Variants in RPIA observed in about 807,000 individuals in gnomAD.
The protein encoded by RPIA is ribose-5-phosphate isomerase.
In RPIA, 29 loss-of-function variants were observed where a neutral mutation model predicts 37.8. The observed-to-expected ratio is 0.77, with a 90% CI of 0.57 to 1.05. RPIA has a LOEUF of 1.05. RPIA is among the 50% of genes least tolerant of loss of function. The pLI, the probability that RPIA is intolerant of heterozygous loss-of-function variation, is 0.00. For missense variants in RPIA, 385 were observed against 413.6 expected, an observed-to-expected ratio of 0.93 and a Z score of 0.60; for synonymous variants, 167 against 157.0, an observed-to-expected ratio of 1.06 and a Z score of -0.48.
rs1407703669 is a variant in RPIA at position 88,750,133 on chromosome 2, G to A, written c.*55G>A. 1.6e-6 allele frequency: 2 copies of A among 1,250,436 alleles called. No individual in the cohort carries two copies. Among genetic ancestry groups the A allele is most frequent in the Non-Finnish European group, 2.3e-6 (2 of 855,724 alleles). 77.5% of individuals were successfully genotyped at this position (1,250,436 alleles called of 1,614,324 possible). On this transcript the variant is annotated 3_prime_UTR_variant, in exon 9 of 9. Coordinates refer to ENST00000283646, the MANE Select transcript of RPIA (RefSeq NM_144563.3). Reference sequence around the variant, plus strand: ...GAGTCTCCAGCCCACAGCCAAGGTGGACGTACCTCTCCAGGAGCCTTTGCC... The same window carrying A: ...GAGTCTCCAGCCCACAGCCAAGGTGAACGTACCTCTCCAGGAGCCTTTGCC...
rs184473379 is a variant in RPIA, at chr2:88,721,199, A to G, written c.403-8079A>G. 2.5e-3 allele frequency among the ~76,000 whole-genome samples: 382 copies of G among 152,060 alleles called. 2 individuals are homozygous for G. Among genetic ancestry groups the G allele is most frequent in the African/African-American group, 8.7e-3 (362 of 41,490 alleles). On this transcript the variant is annotated intron_variant, in intron 3 of 8. Transcript: ENST00000283646. ...ATGGATACAGGGAGGGGAACATCACACACTGGGGCCTGTCAGGGGGTGAGG... is the reference window on the plus strand; with the variant it reads ...ATGGATACAGGGAGGGGAACATCACGCACTGGGGCCTGTCAGGGGGTGAGG...
intron 4 of RPIA, among the ~76,000 whole-genome samples, chr2:88,734,200 C>T (rs985448104): frequency 6.6e-6 from 1 of 151,770 alleles, no homozygotes; most frequent in Non-Finnish European, 1.5e-5. Flanking sequence ...TTTTTTATTC[C>T]CCCACCAAAA....
chr2:88,746,034 C>T (rs900410638), intron 8 of RPIA, among the ~76,000 whole-genome samples: 6 of 152,060 alleles, frequency 3.9e-5, no homozygotes, highest in African/African-American at 7.2e-5. Flanking sequence ...GCCTTGTCTT[C>T]GAGCTCTGAA....
chr2:88,734,344 C>G (rs1264257183), intron 4 of RPIA, among the ~76,000 whole-genome samples: 1 of 152,068 alleles, frequency 6.6e-6, no homozygotes, highest in Non-Finnish European at 1.5e-5. Flanking sequence ...AACTGCATCC[C>G]GGTTAGAGTC....
rs1165462543 is a variant in RPIA at position 88,736,176 on chromosome 2, GCT to G, written c.597-355_597-354del. On this transcript the variant is annotated intron_variant, in intron 6 of 8. Transcript: ENST00000283646. Reference sequence around the variant, plus strand: ...GGTGTCATTGATAGTCTTTGACCAGGCTCTCAGATGCTCCTTCAAGGAATGTA... The same window carrying G: ...GGTGTCATTGATAGTCTTTGACCAGGCTCAGATGCTCCTTCAAGGAATGTA... Among the ~76,000 whole-genome samples, 7 of 152,152 alleles carry G rather than the reference GCT, an allele frequency of 4.6e-5. No individual in the cohort carries two copies. In the East Asian group the frequency reaches 1.3e-3, roughly 29 times the overall value.
Position 88,700,042 on chromosome 2 carries a change from T to C in RPIA, c.380T>C (p.Val127Ala), listed in dbSNP as rs779076044. The change falls in exon 3 of 9, where the codon GTC becomes GCC. Residue 127 changes from valine (V) to alanine (A), a missense_variant. Val to Ala is a moderately conservative substitution (Grantham distance 64). Coordinates refer to ENST00000283646, the MANE Select transcript of RPIA (RefSeq NM_144563.3). Reference protein sequence around the residue: ...ERVKQENLNLVCIPTSFQARQ... With the variant: ...ERVKQENLNLACIPTSFQARQ... ...GTGAAGCAAGAGAATCTGAACCTCG[T>C]CTGTATTCCCACTTCCTTCCAGGTA... 6.2e-7 allele frequency: 1 copy of C among 1,614,224 alleles called. No homozygotes were observed. The highest frequency in any genetic ancestry group is 1.7e-5 in the Admixed American group (1 of 60,026).
At chr2:88,725,933 A>C (rs1254749696) in intron 3 of RPIA, among the ~76,000 whole-genome samples, 1 of 152,202 alleles carries the variant, frequency 6.6e-6, no homozygotes, top group Admixed American at 6.5e-5. Flanking sequence ...GTCATTGTAC[A>C]GGGGCCCAGA....
chr2:88,707,905 A>C (rs1413617959), intron 3 of RPIA, among the ~76,000 whole-genome samples: 4 of 152,210 alleles, frequency 2.6e-5, no homozygotes, highest in Non-Finnish European at 5.9e-5. Context: ...TTGATAGTTT[A>C]TTATGCCTGA....
In RPIA at chr2:88,708,792, T is replaced by A. The variant is rs185064143; in HGVS notation, c.402+8728T>A. 6.5e-4 allele frequency among the ~76,000 whole-genome samples: 98 copies of A among 150,588 alleles called. 2 individuals carry two copies. In the East Asian group the frequency reaches 0.017, roughly 26 times the overall value. On this transcript the variant is annotated intron_variant, in intron 3 of 8. Transcript: ENST00000283646. ...TTTTTTTTGAGACGGAGTCTCGCTC[T>A]GTCGCCCAGGCTGGAGTGCAGTGGC...
At chr2:88,716,065 G>A (rs1220613405) in intron 3 of RPIA, among the ~76,000 whole-genome samples, 2 of 152,106 alleles carry the variant, frequency 1.3e-5, no homozygotes, top group African/African-American at 4.8e-5. Context: ...AGAACTCAAA[G>A]TCATCCCTCT....
intron 3 of RPIA, among the ~76,000 whole-genome samples, chr2:88,726,293 G>T (rs969123403): frequency 1.3e-5 from 2 of 152,106 alleles, no homozygotes; most frequent in African/African-American, 2.4e-5. Flanking sequence ...TGTCCAACTC[G>T]TGGCCCAAGA....
Position 88,729,459 on chromosome 2 carries a change from A to T in RPIA, c.462+122A>T. On this transcript the variant is annotated intron_variant, in intron 4 of 8. Transcript: ENST00000283646. ...GGGAAGATGTCAGTTAGTTGTACCA[A>T]GTTTTCTCCTGGGACCTTGAGTATT... 3.0e-6 allele frequency: 3 copies of T among 995,196 alleles called. No individual in the cohort carries two copies. The South Asian group carries it at 4.1e-5, about 13-fold the overall frequency. The allele number at this position is 995,196 out of a possible 1,614,324, so 61.6% of individuals were successfully genotyped here. A position where few individuals can be genotyped will look rare whatever the true frequency, so the allele number is the denominator to read the frequency against.
intron 1 of RPIA, among the ~76,000 whole-genome samples, chr2:88,695,013 G>A (rs1348019577): frequency 6.7e-6 from 1 of 149,508 alleles, no homozygotes; most frequent in East Asian, 2.0e-4. Context: ...AAAAAGAAAA[G>A]CTCGAGAGGA....
At chr2:88,729,550 C>T (rs892447440) in intron 4 of RPIA, among the ~76,000 whole-genome samples, 1 of 152,120 alleles carries the variant, frequency 6.6e-6, no homozygotes, top group Non-Finnish European at 1.5e-5. Context: ...GGTTTAACCG[C>T]AAGGGCTCAG....
At chr2:88,733,745 T>C (rs1673280204) in intron 4 of RPIA, among the ~76,000 whole-genome samples, 1 of 152,204 alleles carries the variant, frequency 6.6e-6, no homozygotes. Flanking sequence ...ATGAATAGAA[T>C]TTGTACCCTG....
intron 1 of RPIA, among the ~76,000 whole-genome samples, chr2:88,697,908 T>C (rs1672775519): frequency 6.6e-6 from 1 of 152,132 alleles, no homozygotes; most frequent in African/African-American, 2.4e-5. Flanking sequence ...CTGATGTGTC[T>C]TGTGGTGCTA....
At chr2:88,707,608 G>T (rs1406238065) in intron 3 of RPIA, among the ~76,000 whole-genome samples, 1 of 152,144 alleles carries the variant, frequency 6.6e-6, no homozygotes, top group Non-Finnish European at 1.5e-5. Context: ...TCCTCTGGTG[G>T]TACTCTTGTC....
At chr2:88,692,033 G>T (rs994164549) in intron 1 of RPIA, 50 bp downstream of exon 1, 6 of 1,532,734 alleles carry the variant, frequency 3.9e-6, no homozygotes, top group South Asian at 2.4e-5. Context: ...TGGCGTGATG[G>T]GCTACTGTTG....
At chr2:88,708,923 A>G (rs1466739727) in intron 3 of RPIA, among the ~76,000 whole-genome samples, 3 of 151,970 alleles carry the variant, frequency 2.0e-5, no homozygotes, top group Non-Finnish European at 4.4e-5. Context: ...TGCCTGGCTA[A>G]TTTTTTGTAT....
Sources: gnomAD v4.1 joint callset for allele counts (sites outside exome capture counted in the v4.1 genomes callset) on GRCh38, gnomAD v4.1.1 for gene constraint, MANE v1.5 for transcripts, NCBI Gene and HGNC (gene_info 2026-07-23, HGNC 2026-07-21) for gene names.